SERINC5: variants seen among roughly 807,000 people sequenced by gnomAD.
SERINC5 encodes chromosome 5 open reading frame 12.
A neutral mutation model predicts 63.1 loss-of-function variants in SERINC5; 41 were observed. The ratio of observed to expected loss-of-function variants is 0.65; its 90% CI spans 0.51 to 0.84. The LOEUF (loss-of-function observed/expected upper bound fraction) is 0.84. Ranked by LOEUF, SERINC5 falls within the 40% of genes least tolerant of loss-of-function variation. SERINC5 has a pLI of 0.00. For synonymous variants in SERINC5, 222 were observed against 215.2 expected (o/e 1.03, Z -0.28); for missense variants, 523 against 573.0 (o/e 0.91, Z 0.89).
At chr5:80,120,929 C>T (rs1358879288) in intron 11 of SERINC5, among the ~76,000 whole-genome samples, 2 of 151,958 alleles carry the variant, frequency 1.3e-5, no homozygotes, top group African/African-American at 4.8e-5. Context: ...CTCTTGTTGT[C>T]CAGGCTGGAG....
chr5:80,168,634 A>G (rs183506424), intron 6 of SERINC5, among the ~76,000 whole-genome samples: 2 of 152,328 alleles, frequency 1.3e-5, no homozygotes, highest in East Asian at 3.9e-4. Context: ...CCCACAAAAA[A>G]AATCAGACCA....
intron 12 of SERINC5, among the ~76,000 whole-genome samples, chr5:80,112,569 T>C (rs1744160468): frequency 6.6e-6 from 1 of 152,148 alleles, no homozygotes; most frequent in Non-Finnish European, 1.5e-5. Context: ...CTATACTTTG[T>C]CTCTGTGTCT....
chr5:80,209,760 C>T (rs904557721), intron 1 of SERINC5, among the ~76,000 whole-genome samples: 3 of 152,098 alleles, frequency 2.0e-5, no homozygotes, highest in South Asian at 4.1e-4. Context: ...GAAAAGTAAA[C>T]GGCGCGTGGT....
At chr5:80,209,008 C>T (rs887980142) in intron 1 of SERINC5, among the ~76,000 whole-genome samples, 6 of 152,198 alleles carry the variant, frequency 3.9e-5, no homozygotes, top group Admixed American at 3.3e-4. Context: ...CGGTGGATCA[C>T]GCATGTAATC....
intron 7 of SERINC5, among the ~76,000 whole-genome samples, chr5:80,162,275 G>A (rs1025769255): frequency 5.9e-5 from 9 of 152,128 alleles, no homozygotes; most frequent in Non-Finnish European, 7.4e-5. Context: ...TAGGGATAGC[G>A]CTAAATCTGT....
rs900698965 is a variant in SERINC5 at position 80,141,436 on chromosome 5, A to C, written c.*2227T>G. ...CAGCCAAGGAATACAAGGCCTTGTC[A>C]GCTGGACCTTGACTGCGCGTAAGGT... On this transcript the variant is annotated 3_prime_UTR_variant, in exon 12 of 12. Transcript: ENST00000507668. 3 of 985,378 alleles carry C rather than the reference A, an allele frequency of 3.0e-6. No individual in the cohort carries two copies. The African/African-American group carries it at 5.2e-5, about 17-fold the overall frequency. 61.0% of individuals were successfully genotyped at this position (985,378 alleles called of 1,614,324 possible).
At chr5:80,148,619 G>T (rs1226791831) in intron 9 of SERINC5, among the ~76,000 whole-genome samples, 1 of 151,500 alleles carries the variant, frequency 6.6e-6, no homozygotes, top group Non-Finnish European at 1.5e-5. Context: ...AGTAAGCTGT[G>T]ATCCCACCAC....
chr5:80,171,050 G>T (rs756545848), intron 5 of SERINC5, among the ~76,000 whole-genome samples: 1 of 151,846 alleles, frequency 6.6e-6, no homozygotes. Flanking sequence ...TTGCTCTGTC[G>T]CCCAGGCTGG....
intron 10 of SERINC5, among the ~76,000 whole-genome samples, chr5:80,146,546 AG>A (rs1745837367): frequency 6.6e-6 from 1 of 152,158 alleles, no homozygotes; most frequent in Admixed American, 6.5e-5. Context: ...TCCACCTCCC[AG>A]GTTCAAGCGA....
Position 80,140,997 on chromosome 5 carries a change from G to A in SERINC5, c.*2666C>T. Reference sequence around the variant, plus strand: ...GTTGTTATAGGAACTCAAAGCCATTGGCACAATGTTTCCAGTTTCTCAAAT... The same window carrying A: ...GTTGTTATAGGAACTCAAAGCCATTAGCACAATGTTTCCAGTTTCTCAAAT... On this transcript the variant is annotated 3_prime_UTR_variant, in exon 12 of 12. Coordinates refer to ENST00000507668, the MANE Select transcript of SERINC5 (RefSeq NM_001174072.3). 2.0e-6 allele frequency: 2 copies of A among 985,320 alleles called. No individual in the cohort carries two copies. The highest frequency in any genetic ancestry group is 2.4e-6 in the Non-Finnish European group (2 of 829,866). 61.0% of individuals were successfully genotyped at this position (985,320 alleles called of 1,614,324 possible). A position where few individuals can be genotyped will look rare whatever the true frequency, so the allele number is the denominator to read the frequency against.
chr5:80,141,573 A>T lies in SERINC5; in HGVS notation c.*2090T>A, dbSNP rs1467879979. ...AATGAAACTAGTCACAATACTGCCCAGGCTCTTTACCTGCTTCCCCTCAGG... is the reference window on the plus strand; with the variant it reads ...AATGAAACTAGTCACAATACTGCCCTGGCTCTTTACCTGCTTCCCCTCAGG... On this transcript the variant is annotated 3_prime_UTR_variant, in exon 12 of 12. Transcript: ENST00000507668. 3.0e-6 allele frequency: 3 copies of T among 985,408 alleles called. No individual in the cohort carries two copies. The highest frequency in any genetic ancestry group is 3.6e-6 in the Non-Finnish European group (3 of 830,030). The allele number at this position is 985,408 out of a possible 1,614,324, so 61.0% of individuals were successfully genotyped here.
At chr5:80,117,375 TA>T (rs1370881605) in intron 11 of SERINC5, among the ~76,000 whole-genome samples, 2 of 152,116 alleles carry the variant, frequency 1.3e-5, no homozygotes, top group African/African-American at 4.8e-5. Context: ...TGAGGTGATC[TA>T]GGCAAAGCAC....
At chr5:80,143,929 T>C (rs919152415) in intron 11 of SERINC5, 119 bp from the exon 12 acceptor site, 1 of 1,199,278 alleles carries the variant, frequency 8.3e-7, no homozygotes, top group African/African-American at 1.5e-5. Context: ...ATACACAGAC[T>C]TGTGCTACCA....
intron 1 of SERINC5, among the ~76,000 whole-genome samples, chr5:80,249,671 G>A (rs554121695): frequency 4.6e-5 from 7 of 151,810 alleles, no homozygotes; most frequent in Admixed American, 1.3e-4. Flanking sequence ...GCGTGGTGGC[G>A]GGCACCTGTA....
chr5:80,180,669 C>T (rs1197484450), intron 2 of SERINC5, among the ~76,000 whole-genome samples: 1 of 152,124 alleles, frequency 6.6e-6, no homozygotes, highest in Non-Finnish European at 1.5e-5. Flanking sequence ...GGTGGTGAGG[C>T]AAATGCAACA....
chr5:80,243,566 T>C (rs1752039943), intron 1 of SERINC5, among the ~76,000 whole-genome samples: 1 of 151,764 alleles, frequency 6.6e-6, no homozygotes, highest in African/African-American at 2.4e-5. Context: ...ACAGATGCCT[T>C]TTAAGGTATC....
intron 5 of SERINC5, 113 bp from the exon 6 acceptor site, chr5:80,169,659 C>A: frequency 1.3e-6 from 1 of 744,566 alleles, no homozygotes. Flanking sequence ...CTACAGGCCA[C>A]AGGCACTGGT....
chr5:80,202,107 G>A (rs1162207106), intron 2 of SERINC5, among the ~76,000 whole-genome samples: 3 of 151,962 alleles, frequency 2.0e-5, no homozygotes, highest in Non-Finnish European at 4.4e-5. Flanking sequence ...CCGTGGTGGG[G>A]GGCACCTGTA....
intron 2 of SERINC5, among the ~76,000 whole-genome samples, chr5:80,190,628 T>C (rs1164428236): frequency 1.3e-5 from 2 of 152,202 alleles, no homozygotes; most frequent in African/African-American, 4.8e-5. Flanking sequence ...TGAAATGCTG[T>C]ATGCACAAAA....
Sources: allele counts gnomAD v4.1 joint callset (sites outside exome capture counted in the v4.1 genomes callset), GRCh38; gene constraint gnomAD v4.1.1; transcripts MANE v1.5; gene names NCBI Gene and HGNC (gene_info 2026-07-23, HGNC 2026-07-21).